Variants in TASP1 observed in about 807,000 individuals in gnomAD.
TASP1 encodes the protein threonine aspartase 1.
A neutral mutation model predicts 56.6 loss-of-function variants in TASP1; 16 were observed. The observed-to-expected ratio is 0.28, with a 90% CI of 0.19 to 0.43. The LOEUF (loss-of-function observed/expected upper bound fraction) is 0.43, where lower values mean the gene tolerates loss of function less well. Among genes scored for constraint, TASP1 ranks in the 20% least tolerant of loss-of-function variants. The pLI is 1.00. For missense variants in TASP1, 393 were observed against 511.6 expected, an observed-to-expected ratio of 0.77 and a Z score of 2.24; for synonymous variants, 179 against 184.2, an observed-to-expected ratio of 0.97 and a Z score of 0.23.
the TASP1 span, among the ~76,000 whole-genome samples, chr20:13,347,231 C>T: frequency 6.6e-6 from 1 of 152,178 alleles, no homozygotes; most frequent in Non-Finnish European, 1.5e-5. Flanking sequence ...ACTCACAAAA[C>T]AGGAGCTTCC....
Position 13,629,931 on chromosome 20 carries a change from T to C in TASP1, c.145+3A>G, listed in dbSNP as rs1195042545. 6.2e-7 allele frequency: 1 copy of C among 1,613,272 alleles called. No homozygotes were observed. Among genetic ancestry groups the C allele is most frequent in the Non-Finnish European group, 8.5e-7 (1 of 1,179,768 alleles). Reference sequence around the variant, plus strand: ...CATCTTCCAAGCCATCCACAAAGCTTACCTGCATGCACCAACACAAAGCCT... The same window carrying C: ...CATCTTCCAAGCCATCCACAAAGCTCACCTGCATGCACCAACACAAAGCCT... On this transcript the variant is annotated splice_donor_region_variant and intron_variant, in intron 2 of 13. Transcript: ENST00000337743.
At chr20:13,468,095 C>T (rs2044334666) in intron 11 of TASP1, among the ~76,000 whole-genome samples, 1 of 152,126 alleles carries the variant, frequency 6.6e-6, no homozygotes, top group Non-Finnish European at 1.5e-5. Context: ...AGCAAACACA[C>T]TGAAAATTTT....
the TASP1 span, among the ~76,000 whole-genome samples, chr20:13,376,892 T>G: frequency 6.6e-6 from 1 of 152,220 alleles, no homozygotes; most frequent in Admixed American, 6.5e-5. Flanking sequence ...TATTGGTGTA[T>G]AGGAATGCTT....
At chr20:13,110,127 A>T in the TASP1 span, 1 of 1,612,232 alleles carries the variant, frequency 6.2e-7, no homozygotes, top group African/African-American at 1.3e-5. Flanking sequence ...CAAAGCCTAG[A>T]GAAGCTCCTG....
chr20:13,571,288 A>G (rs924371139), intron 6 of TASP1, among the ~76,000 whole-genome samples: 4 of 152,212 alleles, frequency 2.6e-5, no homozygotes, highest in Non-Finnish European at 4.4e-5. Context: ...CACACAAAAT[A>G]TCATATAATT....
At chr20:13,310,392 A>G in the TASP1 span, among the ~76,000 whole-genome samples, 2 of 152,112 alleles carry the variant, frequency 1.3e-5, no homozygotes, top group African/African-American at 4.8e-5. Context: ...ATGAAATTGG[A>G]CTCTTATCTC....
the TASP1 span, among the ~76,000 whole-genome samples, chr20:13,134,758 C>T: frequency 6.6e-6 from 1 of 150,438 alleles, no homozygotes; most frequent in South Asian, 2.1e-4. Flanking sequence ...AGGTAAAGGA[C>T]CTAGCAAAAA....
At chr20:13,552,598 T>C (rs991473574) in intron 8 of TASP1, among the ~76,000 whole-genome samples, 1 of 152,068 alleles carries the variant, frequency 6.6e-6, no homozygotes, top group Non-Finnish European at 1.5e-5. Flanking sequence ...GGAAGTGACA[T>C]TGGCAAAAAT....
At chr20:13,561,579 C>T (rs1157133766) in intron 7 of TASP1, among the ~76,000 whole-genome samples, 2 of 152,098 alleles carry the variant, frequency 1.3e-5, no homozygotes, top group Non-Finnish European at 2.9e-5. Context: ...GTCGGCCAGA[C>T]TCGTCTCAAA....
chr20:13,606,879 T>C (rs997166772), intron 4 of TASP1, among the ~76,000 whole-genome samples: 36 of 151,750 alleles, frequency 2.4e-4, no homozygotes, highest in African/African-American at 7.5e-4. Context: ...GCCTGGCACA[T>C]GGCAGGTAGG....
the TASP1 span, among the ~76,000 whole-genome samples, chr20:13,189,076 C>A: frequency 6.6e-6 from 1 of 152,198 alleles, no homozygotes; most frequent in Non-Finnish European, 1.5e-5. Flanking sequence ...CCACAAGGCA[C>A]CCCTGGAGTC....
chr20:13,262,976 C>T, the TASP1 span, among the ~76,000 whole-genome samples: 1 of 152,322 alleles, frequency 6.6e-6, no homozygotes, highest in African/African-American at 2.4e-5. Flanking sequence ...ACAGCAGGCT[C>T]CATTCCCAAA....
intron 10 of TASP1, among the ~76,000 whole-genome samples, chr20:13,509,803 T>A (rs1003005214): frequency 6.6e-6 from 1 of 152,066 alleles, no homozygotes; most frequent in African/African-American, 2.4e-5. Context: ...ATTTTTGTAT[T>A]TTTTAGTAGA....
At chr20:13,150,471 AC>A in the TASP1 span, among the ~76,000 whole-genome samples, 1 of 152,204 alleles carries the variant, frequency 6.6e-6, no homozygotes, top group South Asian at 2.1e-4. Context: ...AAGAAACCAT[AC>A]TTGGAACTGC....
chr20:13,615,795 G>A (rs1014184372), intron 4 of TASP1, among the ~76,000 whole-genome samples: 3 of 152,116 alleles, frequency 2.0e-5, no homozygotes, highest in African/African-American at 7.2e-5. Context: ...GAGCAACTGT[G>A]CCAGGCCGAG....
chr20:13,551,658 A>G (rs973100044), intron 8 of TASP1, among the ~76,000 whole-genome samples: 1 of 152,198 alleles, frequency 6.6e-6, no homozygotes, highest in Non-Finnish European at 1.5e-5. Flanking sequence ...TCTTTTAGCA[A>G]GTAACTCTCA....
At chr20:13,170,287 C>T in the TASP1 span, among the ~76,000 whole-genome samples, 1 of 152,118 alleles carries the variant, frequency 6.6e-6, no homozygotes, top group Non-Finnish European at 1.5e-5. Flanking sequence ...GAATGTTTAT[C>T]CTCTTCCTTA....
At chr20:13,433,317 T>C (rs2042877999) in intron 12 of TASP1, among the ~76,000 whole-genome samples, 1 of 152,164 alleles carries the variant, frequency 6.6e-6, no homozygotes, top group African/African-American at 2.4e-5. Flanking sequence ...AAACCCCATG[T>C]CCATCCTCTG....
At chr20:13,440,337 C>G (rs1026930052) in intron 11 of TASP1, among the ~76,000 whole-genome samples, 72 of 152,236 alleles carry the variant, frequency 4.7e-4, no homozygotes, top group African/African-American at 1.6e-3. Context: ...AAAATAAGAT[C>G]TGGATACAGA....
Sources: gnomAD v4.1 joint callset for allele counts (sites outside exome capture counted in the v4.1 genomes callset) on GRCh38, gnomAD v4.1.1 for gene constraint, MANE v1.5 for transcripts, NCBI Gene and HGNC (gene_info 2026-07-23, HGNC 2026-07-21) for gene names.